PCYOX1: variants seen among roughly 807,000 people sequenced by gnomAD.
PCYOX1 encodes the protein prenylcysteine oxidase 1.
Under a neutral mutation model 46.4 loss-of-function variants are expected in PCYOX1, and 46 were observed. The observed-to-expected ratio is 0.99, with a 90% CI of 0.78 to 1.27. The LOEUF (loss-of-function observed/expected upper bound fraction) is 1.27. PCYOX1 is among the 50% of genes most tolerant of loss of function. The pLI is 0.00. For synonymous variants in PCYOX1, 220 were observed against 231.8 expected (o/e 0.95, Z 0.46); for missense variants, 658 against 628.3 (o/e 1.05, Z -0.51).
At chr2:70,265,623 G>C (rs1696511830) in intron 3 of PCYOX1, among the ~76,000 whole-genome samples, 2 of 152,252 alleles carry the variant, frequency 1.3e-5, no homozygotes, top group South Asian at 4.1e-4. Context: ...GTGTGCTTGT[G>C]TTCTATGCTA....
chr2:70,267,381 C>T (rs539496547), intron 3 of PCYOX1, among the ~76,000 whole-genome samples: 5 of 152,194 alleles, frequency 3.3e-5, no homozygotes, highest in African/African-American at 1.2e-4. Context: ...ACTTCCTAGA[C>T]GGGGTGGCGG....
chr2:70,275,481 A>C, intron 4 of PCYOX1, 33 bp from the exon 5 acceptor site: 1 of 1,607,852 alleles, frequency 6.2e-7, no homozygotes, highest in South Asian at 1.1e-5. Context: ...ACAAAAAGTC[A>C]GAATTAAAAC....
chr2:70,275,514 G>T lies in PCYOX1; in HGVS notation c.707G>T (p.Gly236Val). 6.2e-7 allele frequency: 1 copy of T among 1,613,542 alleles called. No homozygotes were observed. The highest frequency in any genetic ancestry group is 8.5e-7 in the Non-Finnish European group (1 of 1,179,736). Reference protein sequence around the residue: ...GQSTDINAFVGAVSLSCSDSG... With the variant: ...GQSTDINAFVVAVSLSCSDSG... ...AACACATTTTTCCTCCTATTGACAG[G>T]GGCGGTGTCACTGTCCTGTTCTGAT... The change falls in exon 5 of 6, where the codon GGG becomes GTG. Residue 236 changes from glycine (G) to valine (V), a missense_variant and splice_region_variant. By Grantham distance (109) the Gly-to-Val change is moderately radical. Transcript: ENST00000433351.
At chr2:70,263,861 G>A (rs1160057838) in intron 3 of PCYOX1, among the ~76,000 whole-genome samples, 2 of 151,452 alleles carry the variant, frequency 1.3e-5, no homozygotes, top group African/African-American at 2.4e-5. Flanking sequence ...TGGTTTCACC[G>A]TGTTAGCCAG....
rs942678701 is a variant in PCYOX1 at position 70,278,378 on chromosome 2, G to A, written c.*986G>A. Reference sequence around the variant, plus strand: ...GAAAATGCCTACAAAGGGTTTTAGTGCCTTAGAAGTCCTAAGAAGCCCAAT... The same window carrying A: ...GAAAATGCCTACAAAGGGTTTTAGTACCTTAGAAGTCCTAAGAAGCCCAAT... On this transcript the variant is annotated 3_prime_UTR_variant, in exon 6 of 6. Transcript: ENST00000433351. 7 of 152,636 alleles carry A rather than the reference G, an allele frequency of 4.6e-5. No individual in the cohort carries two copies. Among genetic ancestry groups the A allele is most frequent in the African/African-American group, 1.4e-4 (6 of 41,448 alleles). 9.5% of individuals were successfully genotyped at this position (152,636 alleles called of 1,614,324 possible). A position where few individuals can be genotyped will look rare whatever the true frequency, so the allele number is the denominator to read the frequency against.
intron 1 of PCYOX1, among the ~76,000 whole-genome samples, chr2:70,258,652 C>T (rs1474428278): frequency 6.6e-6 from 1 of 152,192 alleles, no homozygotes; most frequent in East Asian, 1.9e-4. Context: ...CTGGCTTGAC[C>T]TGGGGCGCCC....
At chr2:70,258,954 C>T (rs1310173058) in intron 1 of PCYOX1, among the ~76,000 whole-genome samples, 1 of 152,160 alleles carries the variant, frequency 6.6e-6, no homozygotes, top group African/African-American at 2.4e-5. Context: ...TATCATTAAC[C>T]TATCTACATT....
At position 70,275,074 on chromosome 2, in the gene PCYOX1, C is replaced by T. The variant is rs763108431; in HGVS notation, c.610C>T (p.Gln204Ter). ...MLNRTLLETL[Q>*]KAGFSEKFLN... Reference sequence around the variant, plus strand: ...TAATCGAACACTTCTTGAAACCTTGCAAAAGGCCGGCTTTTCTGAGAAGTT... The same window carrying T: ...TAATCGAACACTTCTTGAAACCTTGTAAAAGGCCGGCTTTTCTGAGAAGTT... Residue 204 changes from glutamine to a stop codon, truncating the protein, a stop_gained, in exon 4 of 6, where the codon CAA becomes TAA. Coordinates refer to ENST00000433351, the MANE Select transcript of PCYOX1 (RefSeq NM_016297.4). LOFTEE classifies it high-confidence loss of function. 2 of 1,614,042 alleles carry T rather than the reference C, an allele frequency of 1.2e-6. No individual in the cohort carries two copies. Among genetic ancestry groups the T allele is most frequent in the Admixed American group, 1.7e-5 (1 of 60,022 alleles).
chr2:70,276,852 T>C lies in PCYOX1; in HGVS notation c.978T>C (p.Phe326=), dbSNP rs1696678799. Residue 326 remains phenylalanine, a synonymous_variant, in exon 6 of 6, where the codon TTT becomes TTC. Coordinates refer to ENST00000433351, the MANE Select transcript of PCYOX1 (RefSeq NM_016297.4). The part of the protein sequence containing the change: ...PLNRKMSNIT[F]LNFDPPIEEF... Reference sequence around the variant, plus strand: ...ATCGAAAAATGTCGAATATTACTTTTCTCAACTTTGATCCTCCAATTGAGG... The same window carrying C: ...ATCGAAAAATGTCGAATATTACTTTCCTCAACTTTGATCCTCCAATTGAGG... The C allele has an allele frequency of 1.9e-6, 3 of 1,613,590 alleles. No homozygotes were observed. The highest frequency in any genetic ancestry group is 1.7e-6 in the Non-Finnish European group (2 of 1,179,620).
chr2:70,262,229 G>A (rs147182222), intron 3 of PCYOX1, among the ~76,000 whole-genome samples: 31 of 151,986 alleles, frequency 2.0e-4, no homozygotes, highest in African/African-American at 5.8e-4. Flanking sequence ...GCAATGGTTC[G>A]ATATTGGCTC....
chr2:70,275,020 C>G lies in PCYOX1; in HGVS notation c.556C>G (p.Leu186Val), dbSNP rs757785237. 71 of 1,613,392 alleles carry G rather than the reference C, an allele frequency of 4.4e-5. No individual in the cohort carries two copies. The highest frequency in any genetic ancestry group is 5.3e-5 in the Non-Finnish European group (63 of 1,179,410). The part of the protein sequence containing the change: ...FSSVEKLLHA[L>V]GGDDFLGMLN... ...TAGTGTCGAAAAATTACTTCATGCT[C>G]TAGGAGGAGATGACTTCCTTGGAAT... Residue 186 changes from leucine to valine, a missense_variant, in exon 4 of 6, where the codon CTA becomes GTA. By Grantham distance (32) the Leu-to-Val change is conservative (BLOSUM62 1). Transcript: ENST00000433351.
chr2:70,265,603 G>T (rs767099345), intron 3 of PCYOX1, among the ~76,000 whole-genome samples: 1 of 152,002 alleles, frequency 6.6e-6, no homozygotes, highest in Non-Finnish European at 1.5e-5. Flanking sequence ...CTTATTATAC[G>T]GTGCACACTG....
chr2:70,258,610 C>A (rs12615862), intron 1 of PCYOX1: 3 of 243,068 alleles, frequency 1.2e-5, no homozygotes, highest in Admixed American at 5.9e-5. Flanking sequence ...TCTATCTTCC[C>A]GTTGAACACT....
At chr2:70,275,961 G>T (rs951473272) in intron 5 of PCYOX1, among the ~76,000 whole-genome samples, 1 of 151,572 alleles carries the variant, frequency 6.6e-6, no homozygotes. Flanking sequence ...TTAGCCGGGC[G>T]TGGTGGCAGG....
At chr2:70,262,290 C>T (rs1036858410) in intron 3 of PCYOX1, among the ~76,000 whole-genome samples, 4 of 151,876 alleles carry the variant, frequency 2.6e-5, no homozygotes, top group Admixed American at 6.6e-5. Context: ...CTCAGGCTCC[C>T]GAGTAGCTGG....
Position 70,278,073 on chromosome 2 carries a change from C to T in PCYOX1, c.*681C>T, listed in dbSNP as rs1036717492. On this transcript the variant is annotated 3_prime_UTR_variant, in exon 6 of 6. Transcript: ENST00000433351. ...ACTTTCAGAATGTTGTCTTTTGATT[C>T]TTCTGTCTTGATTTGATTAGGGGTG... 6.6e-6 allele frequency: 1 copy of T among 152,194 alleles called. No individual in the cohort carries two copies. Among genetic ancestry groups the T allele is most frequent in the African/African-American group, 2.4e-5 (1 of 41,426 alleles). The allele number at this position is 152,194 out of a possible 1,614,324, so 9.4% of individuals were successfully genotyped here.
chr2:70,272,976 G>A (rs955628960), intron 3 of PCYOX1, among the ~76,000 whole-genome samples: 2 of 152,084 alleles, frequency 1.3e-5, no homozygotes, highest in African/African-American at 4.8e-5. Context: ...AGGATTACAG[G>A]CATGAGCCAC....
At chr2:70,269,715 A>G (rs934120586) in intron 3 of PCYOX1, among the ~76,000 whole-genome samples, 16 of 152,160 alleles carry the variant, frequency 1.1e-4, no homozygotes, top group South Asian at 2.1e-4. Context: ...ATGTTAAACA[A>G]TTGCCACAGA....
chr2:70,264,252 C>A (rs985469564), intron 3 of PCYOX1, among the ~76,000 whole-genome samples: 2 of 151,164 alleles, frequency 1.3e-5, no homozygotes, highest in African/African-American at 4.9e-5. Flanking sequence ...GTTGTGAGCT[C>A]CTGTTCCCAG....
Sources: allele counts gnomAD v4.1 joint callset (sites outside exome capture counted in the v4.1 genomes callset), GRCh38; gene constraint gnomAD v4.1.1; transcripts MANE v1.5; gene names NCBI Gene and HGNC (gene_info 2026-07-23, HGNC 2026-07-21).